Variants in GIGYF2 observed in about 807,000 individuals in gnomAD.
GIGYF2 encodes GRB10-interacting GYF protein 2.
A neutral mutation model predicts 208.1 loss-of-function variants in GIGYF2; 25 were observed. The ratio of observed to expected loss-of-function variants is 0.12; its 90% CI spans 0.09 to 0.17. GIGYF2 has a LOEUF of 0.17. Ranked by LOEUF, GIGYF2 falls within the 10% of genes least tolerant of loss-of-function variation. GIGYF2 has a pLI of 1.00. For synonymous variants in GIGYF2, 534 were observed against 543.8 expected, an observed-to-expected ratio of 0.98 and a Z score of 0.25; for missense variants, 1,302 against 1,579.4, an observed-to-expected ratio of 0.82 and a Z score of 2.98.
chr2:232,771,191 A>G (rs1470912017), intron 8 of GIGYF2: 1 of 1,613,634 alleles, frequency 6.2e-7, no homozygotes, highest in South Asian at 1.1e-5. Context: ...GAAAAGACCA[A>G]CATCATCCAA....
intron 18 of GIGYF2, 22 bp downstream of exon 18, chr2:232,812,513 T>C (rs376302395): frequency 3.4e-5 from 29 of 860,846 alleles, no homozygotes; most frequent in Non-Finnish European, 5.3e-5. Flanking sequence ...GATTAACCTT[T>C]AGTACCACTC....
chr2:232,793,909 A>G (rs1700144246), intron 12 of GIGYF2, among the ~76,000 whole-genome samples: 1 of 152,202 alleles, frequency 6.6e-6, no homozygotes, highest in Admixed American at 6.5e-5. Flanking sequence ...GTATTTGGCA[A>G]CTTTGTGTCA....
At chr2:232,784,729 A>G (rs1177642777) in intron 8 of GIGYF2, among the ~76,000 whole-genome samples, 1 of 152,232 alleles carries the variant, frequency 6.6e-6, no homozygotes, top group Non-Finnish European at 1.5e-5. Flanking sequence ...CAGATATTAC[A>G]TAATAACTAC....
In GIGYF2 at chr2:232,794,739, TC is replaced by T. The variant is rs753299806; in HGVS notation, c.1283-4del. On this transcript the variant is annotated splice_polypyrimidine_tract_variant and splice_region_variant and intron_variant, in intron 12 of 28. Transcript: ENST00000373563. ...TTCAAAGGATTTTCATCTGATTTTTTCCCCCTAGAAATGGTTGCTGATGTCC... is the reference window on the plus strand; with the variant it reads ...TTCAAAGGATTTTCATCTGATTTTTTCCCCTAGAAATGGTTGCTGATGTCC... 12 of 1,607,846 alleles carry T rather than the reference TC, an allele frequency of 7.5e-6. No homozygotes were observed. The highest frequency in any genetic ancestry group is 1.7e-6 in the Non-Finnish European group (2 of 1,174,482).
intron 20 of GIGYF2, among the ~76,000 whole-genome samples, chr2:232,819,475 T>TA (rs928878723): frequency 1.6e-4 from 25 of 152,106 alleles, no homozygotes; most frequent in African/African-American, 5.1e-4. Flanking sequence ...CCCAGTTAAT[T>TA]AAAAAAATAG....
intron 20 of GIGYF2, 100 bp downstream of exon 20, chr2:232,817,132 T>C: frequency 1.4e-5 from 13 of 943,534 alleles, no homozygotes; most frequent in South Asian, 1.3e-5. Context: ...GTCCACAGGA[T>C]TGGGGTTAGA....
intron 2 of GIGYF2, among the ~76,000 whole-genome samples, chr2:232,731,577 A>G (rs1697499481): frequency 6.6e-6 from 1 of 152,210 alleles, no homozygotes; most frequent in Non-Finnish European, 1.5e-5. Context: ...TCTGTTTGTC[A>G]TCCAAGTAGG....
At chr2:232,798,900 A>G (rs769039491) in intron 14 of GIGYF2, among the ~76,000 whole-genome samples, 10 of 150,604 alleles carry the variant, frequency 6.6e-5, no homozygotes, top group Admixed American at 1.3e-4. Flanking sequence ...CATCTTCCCA[A>G]ATTGGAACTG....
chr2:232,759,790 C>A (rs199625157), intron 6 of GIGYF2, among the ~76,000 whole-genome samples: 1 of 152,014 alleles, frequency 6.6e-6, no homozygotes, highest in Non-Finnish European at 1.5e-5. Context: ...ATAGATCTAA[C>A]CAAATTGCCT....
chr2:232,741,016 CTT>C lies in GIGYF2; in HGVS notation c.41+5780_41+5781del, dbSNP rs528255438. Among the ~76,000 whole-genome samples, 13 of 152,284 alleles carry C rather than the reference CTT, an allele frequency of 8.5e-5. No individual in the cohort carries two copies. In the East Asian group the frequency reaches 2.5e-3, roughly 29 times the overall value. On this transcript the variant is annotated intron_variant, in intron 3 of 28. Coordinates refer to ENST00000373563, the MANE Select transcript of GIGYF2 (RefSeq NM_001103146.3). ...AGGATAAAAATACATGGTACCTACT[CTT>C]TAATGGGGAAGCTGACACTAAATAA... is the stretch of plus-strand genomic sequence containing the variant.
intron 1 of GIGYF2, among the ~76,000 whole-genome samples, chr2:232,702,138 T>C (rs2012221): frequency 0.34 from 51,913 of 151,814 alleles, 9,159 homozygotes; most frequent in South Asian, 0.63. Flanking sequence ...CAAAGCAAGA[T>C]CCCATTTTGA....
intron 5 of GIGYF2, among the ~76,000 whole-genome samples, chr2:232,755,436 G>T (rs1231348764): frequency 6.6e-6 from 1 of 152,104 alleles, no homozygotes; most frequent in Non-Finnish European, 1.5e-5. Flanking sequence ...CCAAAGTGCT[G>T]GGATTACAGG....
Position 232,796,077 on chromosome 2 carries a change from G to T in GIGYF2, c.1495G>T (p.Val499Leu). The change falls in exon 14 of 29, where the codon GTG (valine) becomes TTG (leucine). Residue 499 changes from valine to leucine, a missense_variant. Val to Leu is a conservative substitution (Grantham distance 32, BLOSUM62 1). Transcript: ENST00000373563. ...KHLEQQAEKM[V>L]AYLQDSALDD... The stretch of plus-strand genomic sequence containing the variant: ...CTGTTACTAGCAAGCTGAGAAAATG[G>T]TGGCTTATCTCCAAGACAGTGCACT... 6.2e-7 allele frequency: 1 copy of T among 1,611,696 alleles called. No homozygotes were observed. Among genetic ancestry groups the T allele is most frequent in the Non-Finnish European group, 8.5e-7 (1 of 1,177,852 alleles).
intron 2 of GIGYF2, among the ~76,000 whole-genome samples, chr2:232,720,305 T>C (rs565451730): frequency 9.2e-5 from 14 of 152,322 alleles, no homozygotes; most frequent in African/African-American, 3.4e-4. Flanking sequence ...TAGTATTCCA[T>C]GGTGTATATA....
At chr2:232,725,791 A>G (rs979307278) in intron 2 of GIGYF2, among the ~76,000 whole-genome samples, 5 of 152,186 alleles carry the variant, frequency 3.3e-5, no homozygotes, top group South Asian at 2.1e-4. Context: ...TAATGCATCC[A>G]AGTAATCTGG....
At position 232,858,897 on chromosome 2, in the gene GIGYF2, C is replaced by T. The variant is rs942823071; in HGVS notation, c.*2037C>T. ...AGCTCCTGCCCTCATACCGCAGACACACCCACTCTGAACACACCCCTCCAG... is the reference window on the plus strand; with the variant it reads ...AGCTCCTGCCCTCATACCGCAGACATACCCACTCTGAACACACCCCTCCAG... On this transcript the variant is annotated 3_prime_UTR_variant, in exon 29 of 29. Coordinates refer to ENST00000373563, the MANE Select transcript of GIGYF2 (RefSeq NM_001103146.3). The T allele has an allele frequency of 4.3e-6, 1 of 233,066 alleles. No homozygotes were observed. Among genetic ancestry groups the T allele is most frequent in the Admixed American group, 5.2e-5 (1 of 19,072 alleles). The allele number at this position is 233,066 out of a possible 1,614,324, so 14.4% of individuals were successfully genotyped here.
At chr2:232,809,108 C>A (rs1282633904) in intron 15 of GIGYF2, among the ~76,000 whole-genome samples, 1 of 152,146 alleles carries the variant, frequency 6.6e-6, no homozygotes, top group Non-Finnish European at 1.5e-5. Flanking sequence ...CCACACCCAG[C>A]TGATTTTTGT....
chr2:232,829,829 A>G (rs973289583), intron 21 of GIGYF2, among the ~76,000 whole-genome samples: 1 of 152,192 alleles, frequency 6.6e-6, no homozygotes, highest in African/African-American at 2.4e-5. Context: ...CTTAGGCAAA[A>G]CATAAATAAA....
chr2:232,716,114 G>A (rs1211468127), intron 2 of GIGYF2, among the ~76,000 whole-genome samples: 1 of 152,036 alleles, frequency 6.6e-6, no homozygotes, highest in Non-Finnish European at 1.5e-5. Flanking sequence ...TACTATAGCT[G>A]TCTTTTGTTG....
Sources: gnomAD v4.1 joint callset for allele counts (sites outside exome capture counted in the v4.1 genomes callset) on GRCh38, gnomAD v4.1.1 for gene constraint, MANE v1.5 for transcripts, NCBI Gene and HGNC (gene_info 2026-07-23, HGNC 2026-07-21) for gene names.